The following CACNA2D3 variants were observed in gnomAD, a reference collection of about 807,000 sequenced individuals.
CACNA2D3 encodes calcium voltage-gated channel auxiliary subunit alpha2delta 3, also known as voltage-dependent calcium channel subunit alpha-2/delta-3.
In CACNA2D3, 60 loss-of-function variants were observed where a neutral mutation model predicts 160.6. That is an observed-to-expected ratio of 0.37 (90% CI 0.30 to 0.46). The LOEUF is 0.46. Among genes scored for constraint, CACNA2D3 ranks in the 20% least tolerant of loss-of-function variants. The pLI is 1.00. For synonymous variants in CACNA2D3, 558 were observed against 492.9 expected, an observed-to-expected ratio of 1.13 and a Z score of -1.75; for missense variants, 1,205 against 1,365.0, an observed-to-expected ratio of 0.88 and a Z score of 1.85.
intron 35 of CACNA2D3, among the ~76,000 whole-genome samples, chr3:55,068,714 C>G (rs1704727115): frequency 6.6e-6 from 1 of 152,146 alleles, no homozygotes; most frequent in Admixed American, 6.5e-5. Context: ...GCCAAGAAGA[C>G]CACCGAGTGG....
rs113007386 is a variant in CACNA2D3 at position 54,921,274 on chromosome 3, G to A, written c.2449+21406G>A. 5.0e-4 allele frequency among the ~76,000 whole-genome samples: 76 copies of A among 152,196 alleles called. 1 individual carries two copies. The highest frequency in any genetic ancestry group is 1.7e-3 in the African/African-American group (70 of 41,532). On this transcript the variant is annotated intron_variant, in intron 27 of 37. Transcript: ENST00000474759. ...AGCCGTGAAAAACTCCCTTGACCAC[G>A]TTGTGCCTCTGCTTGCTCATCTGGA...
chr3:54,418,028 T>C (rs1699782672), intron 4 of CACNA2D3, among the ~76,000 whole-genome samples: 1 of 152,186 alleles, frequency 6.6e-6, no homozygotes, highest in African/African-American at 2.4e-5. Flanking sequence ...GCTCAAGTGA[T>C]CCATCCGCCT....
intron 35 of CACNA2D3, among the ~76,000 whole-genome samples, chr3:55,022,722 C>T (rs358041): frequency 0.45 from 62,207 of 137,886 alleles, 14,475 homozygotes; most frequent in African/African-American, 0.67. Flanking sequence ...TTTTTTTTTT[C>T]CATACTCTAT....
At chr3:54,486,224 G>A (rs1206581393) in intron 4 of CACNA2D3, among the ~76,000 whole-genome samples, 1 of 152,164 alleles carries the variant, frequency 6.6e-6, no homozygotes, top group Non-Finnish European at 1.5e-5. Context: ...TTTGATTCTG[G>A]TTCCAGGCCC....
intron 27 of CACNA2D3, among the ~76,000 whole-genome samples, chr3:54,913,738 C>G (rs1260232973): frequency 6.6e-6 from 1 of 152,218 alleles, no homozygotes; most frequent in East Asian, 1.9e-4. Flanking sequence ...TCGAACCTGT[C>G]AGGTCCTGAA....
intron 27 of CACNA2D3, among the ~76,000 whole-genome samples, chr3:54,916,096 G>A (rs1252710258): frequency 2.6e-5 from 4 of 152,124 alleles, no homozygotes; most frequent in East Asian, 1.9e-4. Flanking sequence ...GCATTAAAAC[G>A]AAGCATGCGT....
At chr3:54,629,025 C>T (rs1214858565) in intron 10 of CACNA2D3, among the ~76,000 whole-genome samples, 4 of 152,116 alleles carry the variant, frequency 2.6e-5, no homozygotes, top group Non-Finnish European at 5.9e-5. Context: ...TTGATTCTTT[C>T]CTTGCTTCCT....
chr3:54,372,644 C>A (rs1698945792), intron 3 of CACNA2D3, among the ~76,000 whole-genome samples: 1 of 152,112 alleles, frequency 6.6e-6, no homozygotes, highest in Non-Finnish European at 1.5e-5. Flanking sequence ...GTTCATACAT[C>A]TGCTTATTTC....
rs1170777878 is a variant in CACNA2D3, at chr3:54,821,700, C to CTTT, written c.1398+4830_1398+4831insTTT. The stretch of plus-strand genomic sequence containing the variant: ...TCTTTCTTTCTTTCTTTCTTTCTTT[C>CTTT]CTTCCTTCCTTCTTTCCTCTCTCTC... On this transcript the variant is annotated intron_variant, in intron 14 of 37. Coordinates refer to ENST00000474759, the MANE Select transcript of CACNA2D3 (RefSeq NM_018398.3). 6.6e-4 allele frequency among the ~76,000 whole-genome samples: 89 copies of CTTT among 134,882 alleles called. 1 individual carries two copies. The highest frequency in any genetic ancestry group is 1.9e-3 in the African/African-American group (67 of 35,734). The allele number at this position is 134,882 out of a possible 152,430, so 88.5% of individuals were successfully genotyped here. A position where few individuals can be genotyped will look rare whatever the true frequency, so the allele number is the denominator to read the frequency against.
At chr3:54,793,697 A>G (rs1702808461) in intron 13 of CACNA2D3, among the ~76,000 whole-genome samples, 1 of 152,216 alleles carries the variant, frequency 6.6e-6, no homozygotes, top group African/African-American at 2.4e-5. Context: ...TTGTAGAGAA[A>G]GCTGGGTTGT....
intron 3 of CACNA2D3, among the ~76,000 whole-genome samples, chr3:54,328,285 G>C (rs557053966): frequency 2.6e-5 from 4 of 151,914 alleles, no homozygotes; most frequent in Non-Finnish European, 4.4e-5. Context: ...TCGTTTGTTT[G>C]TTTTTTTGGT....
intron 4 of CACNA2D3, among the ~76,000 whole-genome samples, chr3:54,405,269 TAAAAA>T (rs34019072): frequency 3.0e-5 from 3 of 100,942 alleles, no homozygotes; most frequent in Non-Finnish European, 4.3e-5. Flanking sequence ...TACTACTCAG[TAAAAA>T]AAAAAAAAAA....
At chr3:54,735,633 AT>A (rs1409745164) in intron 11 of CACNA2D3, among the ~76,000 whole-genome samples, 1 of 151,988 alleles carries the variant, frequency 6.6e-6, no homozygotes, top group Non-Finnish European at 1.5e-5. Flanking sequence ...CACCTCTATA[AT>A]CTATGCTTCT....
At chr3:54,985,942 G>A (rs1027767501) in intron 30 of CACNA2D3, among the ~76,000 whole-genome samples, 7 of 152,170 alleles carry the variant, frequency 4.6e-5, no homozygotes, top group African/African-American at 9.7e-5. Context: ...GGGACAGTCC[G>A]TGGACATTAG....
At chr3:54,814,311 G>A (rs1020214389) in intron 13 of CACNA2D3, among the ~76,000 whole-genome samples, 5 of 152,206 alleles carry the variant, frequency 3.3e-5, no homozygotes, top group African/African-American at 1.2e-4. Context: ...CCTTTCCCCA[G>A]CCCTCTCTCT....
intron 18 of CACNA2D3, among the ~76,000 whole-genome samples, chr3:54,878,056 TACTC>T (rs1434002264): frequency 2.6e-5 from 4 of 152,320 alleles, no homozygotes; most frequent in African/African-American, 4.8e-5. Context: ...ATTATGCCTT[TACTC>T]ACTCACACAG....
rs779158018 is a variant in CACNA2D3 at position 54,899,825 on chromosome 3, A to C, written c.2406A>C (p.Thr802=). Residue 802 remains threonine, a synonymous_variant, in exon 27 of 38, where the codon ACA becomes ACC. Transcript: ENST00000474759. ...VNKSNVVTAS[T]SIQLLDERKS... is the part of the protein sequence containing the mutation. The stretch of plus-strand genomic sequence containing the variant: ...AAAGCAATGTGGTGACAGCAAGTAC[A>C]TCCATCCAGCTCCTGGATGAACGGA... 3.1e-6 allele frequency: 5 copies of C among 1,608,880 alleles called. No homozygotes were observed. The Admixed American group carries it at 8.4e-5, about 27-fold the overall frequency.
chr3:54,248,653 A>T (rs1326466577), intron 2 of CACNA2D3, among the ~76,000 whole-genome samples: 1 of 152,210 alleles, frequency 6.6e-6, no homozygotes, highest in East Asian at 1.9e-4. Flanking sequence ...GAGAGAGGCC[A>T]TCAGAAACCA....
At chr3:54,433,193 T>C (rs915154420) in intron 4 of CACNA2D3, among the ~76,000 whole-genome samples, 2 of 152,188 alleles carry the variant, frequency 1.3e-5, no homozygotes, top group African/African-American at 4.8e-5. Flanking sequence ...GTGTTGCTTA[T>C]TGCAGCTATG....
Sources: allele counts gnomAD v4.1 joint callset (sites outside exome capture counted in the v4.1 genomes callset), GRCh38; gene constraint gnomAD v4.1.1; transcripts MANE v1.5; gene names NCBI Gene and HGNC (gene_info 2026-07-23, HGNC 2026-07-21).